The following COPG2 variants were observed in gnomAD, a reference collection of about 807,000 sequenced individuals.
COPG2 encodes coat protein complex I subunit gamma 2, also known as coatomer subunit gamma-2.
Under a neutral mutation model 46.3 loss-of-function variants are expected in COPG2, and 37 were observed. The observed-to-expected ratio is 0.80, with a 90% CI of 0.61 to 1.05. The LOEUF is 1.05. COPG2 is among the 50% of genes least tolerant of loss of function. COPG2 has a pLI of 0.00. For missense variants in COPG2, 427 were observed against 387.8 expected (o/e 1.10, Z -0.85); for synonymous variants, 159 against 129.7 (o/e 1.23, Z -1.53).
At chr7:130,644,011 A>C (rs1554457714) in intron 5 of COPG2, among the ~76,000 whole-genome samples, 1 of 152,172 alleles carries the variant, frequency 6.6e-6, no homozygotes, top group Non-Finnish European at 1.5e-5. Context: ...GATCATTGGG[A>C]AATTCTTAGC....
chr7:130,520,535 T>C (rs1327515145), intron 20 of COPG2, among the ~76,000 whole-genome samples: 1 of 152,252 alleles, frequency 6.6e-6, no homozygotes, highest in Non-Finnish European at 1.5e-5. Context: ...ACCATGTACT[T>C]AGAAAATCTG....
intron 20 of COPG2, chr7:130,511,369 G>A (rs1554440982): frequency 3.9e-6 from 2 of 517,974 alleles, no homozygotes; most frequent in Admixed American, 3.9e-5. Flanking sequence ...GGACTGAACT[G>A]AGAAGCAATG....
At chr7:130,653,794 C>T (rs1037388915) in intron 4 of COPG2, among the ~76,000 whole-genome samples, 5 of 152,046 alleles carry the variant, frequency 3.3e-5, no homozygotes, top group Non-Finnish European at 5.9e-5. Flanking sequence ...CTTGATACTA[C>T]TGAACCCATT....
chr7:130,639,831 G>A (rs1029512686), intron 5 of COPG2, among the ~76,000 whole-genome samples: 6 of 152,030 alleles, frequency 3.9e-5, no homozygotes, highest in Non-Finnish European at 7.4e-5. Flanking sequence ...TTCCCAGGTC[G>A]TCAGCCAGAA....
chr7:130,607,802 T>C (rs1794763233), intron 9 of COPG2: 1 of 520,100 alleles, frequency 1.9e-6, no homozygotes, highest in Non-Finnish European at 3.8e-6. Flanking sequence ...TCTGTCATCC[T>C]ACACTGAGGA....
intron 5 of COPG2, among the ~76,000 whole-genome samples, chr7:130,641,167 C>T (rs73158075): frequency 0.025 from 2,884 of 117,584 alleles, 47 homozygotes; most frequent in Non-Finnish European, 0.039. Context: ...TAGCAAGACC[C>T]TACCTCTCAA....
At chr7:130,539,180 T>C (rs1799912104) in intron 20 of COPG2, among the ~76,000 whole-genome samples, 1 of 152,034 alleles carries the variant, frequency 6.6e-6, no homozygotes, top group African/African-American at 2.4e-5. Flanking sequence ...CCAGATAGCT[T>C]CAATGGGTAC....
At chr7:130,651,617 C>A (rs961614891) in intron 5 of COPG2, among the ~76,000 whole-genome samples, 1 of 147,620 alleles carries the variant, frequency 6.8e-6, no homozygotes, top group Non-Finnish European at 1.5e-5. Flanking sequence ...CCCGGGTTCA[C>A]GCCATTCTCC....
chr7:130,535,195 A>G (rs1799866846), intron 20 of COPG2, among the ~76,000 whole-genome samples: 1 of 152,178 alleles, frequency 6.6e-6, no homozygotes, highest in Admixed American at 6.5e-5. Context: ...AATATTGGCC[A>G]CAGACAGGCA....
At chr7:130,528,168 G>T (rs1310479598) in intron 20 of COPG2, among the ~76,000 whole-genome samples, 1 of 152,050 alleles carries the variant, frequency 6.6e-6, no homozygotes, top group Non-Finnish European at 1.5e-5. Flanking sequence ...TTGAGACTGG[G>T]TGCGTTTGTA....
At chr7:130,567,685 G>C (rs886110168) in intron 9 of COPG2, among the ~76,000 whole-genome samples, 1 of 152,118 alleles carries the variant, frequency 6.6e-6, no homozygotes, top group Non-Finnish European at 1.5e-5. Flanking sequence ...ATAATTATCA[G>C]CCAAGAATTT....
chr7:130,563,839 T>C (rs967967277), intron 10 of COPG2, among the ~76,000 whole-genome samples: 1 of 150,458 alleles, frequency 6.6e-6, no homozygotes, highest in Non-Finnish European at 1.5e-5. Flanking sequence ...CAAAGTTTGC[T>C]CTTTTTAAAA....
chr7:130,647,186 G>A (rs1262075614), intron 5 of COPG2, among the ~76,000 whole-genome samples: 11 of 151,852 alleles, frequency 7.2e-5, no homozygotes, highest in Middle Eastern at 3.4e-3. Context: ...GACTACAGGC[G>A]TGTGCCACCA....
At chr7:130,603,827 C>A (rs1554450790) in intron 9 of COPG2, 1 of 519,282 alleles carries the variant, frequency 1.9e-6, no homozygotes, top group Admixed American at 1.9e-5. Context: ...CAGTGCCAAC[C>A]CCCATGTAGC....
intron 9 of COPG2, chr7:130,602,799 T>TAC (rs1369905237): frequency 1.3e-5 from 2 of 152,068 alleles, no homozygotes; most frequent in Non-Finnish European, 2.9e-5. Flanking sequence ...TTTTAAAGCC[T>TAC]ACAGCATCCG....
At chr7:130,568,951 C>T (rs1273797635) in intron 9 of COPG2, among the ~76,000 whole-genome samples, 3 of 152,072 alleles carry the variant, frequency 2.0e-5, no homozygotes, top group Non-Finnish European at 4.4e-5. Flanking sequence ...ATAATCTGCT[C>T]CTGAATGATT....
At chr7:130,628,733 A>G (rs1049497153) in intron 5 of COPG2, among the ~76,000 whole-genome samples, 2 of 152,152 alleles carry the variant, frequency 1.3e-5, no homozygotes, top group African/African-American at 4.8e-5. Context: ...CCAATAAATT[A>G]TCAGTTTTTG....
intron 20 of COPG2, among the ~76,000 whole-genome samples, chr7:130,524,213 T>A (rs1231213711): frequency 6.6e-6 from 1 of 151,946 alleles, no homozygotes; most frequent in Non-Finnish European, 1.5e-5. Flanking sequence ...AGCAGGTGGA[T>A]TCAGTGCAGT....
intron 14 of COPG2, among the ~76,000 whole-genome samples, chr7:130,552,706 C>T (rs1793551547): frequency 6.6e-6 from 1 of 152,146 alleles, no homozygotes; most frequent in Non-Finnish European, 1.5e-5. Flanking sequence ...CCACCACAAC[C>T]CCTTATATAT....
Sources: allele counts gnomAD v4.1 joint callset (sites outside exome capture counted in the v4.1 genomes callset), GRCh38; gene constraint gnomAD v4.1.1; transcripts MANE v1.5; gene names NCBI Gene and HGNC (gene_info 2026-07-23, HGNC 2026-07-21).